Variants in ERCC3 observed in about 807,000 individuals in gnomAD.
The protein encoded by ERCC3 is ERCC excision repair 3, TFIIH core complex helicase subunit, also known as general transcription and DNA repair factor IIH helicase/translocase subunit XPB.
ERCC3 carries 66 observed loss-of-function variants against 94.2 expected under a neutral mutation model. That is an observed-to-expected ratio of 0.70 (90% confidence interval 0.57 to 0.86). ERCC3 has a LOEUF of 0.86. Among genes scored for constraint, ERCC3 ranks in the 40% least tolerant of loss-of-function variants. ERCC3 has a pLI of 0.00. For synonymous variants in ERCC3, 349 were observed against 369.1 expected (o/e 0.95, Z 0.63); for missense variants, 829 against 987.1 (o/e 0.84, Z 2.15).
chr2:127,276,181 T>C (rs1381235591), intron 10 of ERCC3, among the ~76,000 whole-genome samples: 1 of 152,036 alleles, frequency 6.6e-6, no homozygotes, highest in Non-Finnish European at 1.5e-5. Flanking sequence ...GACTGAAAAA[T>C]TCCTCACTGA....
chr2:127,266,951 G>A (rs1366247890), intron 12 of ERCC3, among the ~76,000 whole-genome samples: 1 of 152,130 alleles, frequency 6.6e-6, no homozygotes, highest in Non-Finnish European at 1.5e-5. Context: ...CCCGAGCTCA[G>A]GCAATCTGCC....
At chr2:127,290,358 C>T (rs1176187518) in intron 3 of ERCC3, 85 bp from the exon 4 acceptor site, 3 of 1,152,308 alleles carry the variant, frequency 2.6e-6, no homozygotes, top group Non-Finnish European at 3.9e-6. Flanking sequence ...CACCTACCAA[C>T]CAAGTGAAAA....
intron 12 of ERCC3, among the ~76,000 whole-genome samples, chr2:127,265,482 G>A (rs567761475): frequency 9.2e-5 from 14 of 152,158 alleles, no homozygotes; most frequent in African/African-American, 3.1e-4. Flanking sequence ...GCAGAGGTGC[G>A]ATCTCGGCTC....
At position 127,270,018 on chromosome 2, in the gene ERCC3, CTCAATCAA is replaced by C. The variant is rs5834172; in HGVS notation, c.1945+1310_1945+1317del. On this transcript the variant is annotated intron_variant, in intron 12 of 14. Transcript: ENST00000285398. ...CCTGGGTGACAGAATAAGACTCTAT[CTCAATCAA>C]TCAATCAATCAATCAATCAATAAAG... is the stretch of plus-strand genomic sequence containing the variant. Among the ~76,000 whole-genome samples, 358 of 150,494 alleles carry C rather than the reference CTCAATCAA, an allele frequency of 2.4e-3. 1 individual carries two copies. Among genetic ancestry groups the C allele is most frequent in the African/African-American group, 7.9e-3 (323 of 41,118 alleles).
In ERCC3 at chr2:127,272,973, T is replaced by G; in HGVS notation, c.1731-12A>C. The G allele has an allele frequency of 6.5e-7, 1 of 1,534,168 alleles. No individual in the cohort carries two copies. The highest frequency in any genetic ancestry group is 9.0e-7 in the Non-Finnish European group (1 of 1,107,206). On this transcript the variant is annotated splice_polypyrimidine_tract_variant and intron_variant, in intron 10 of 14. Coordinates refer to ENST00000285398, the MANE Select transcript of ERCC3 (RefSeq NM_000122.2). Reference sequence around the variant, plus strand: ...CGTAGATATAGGGTCTAGAGAAGAATGAAGCTGTGTTAGACCACAGAATAA... The same window carrying G: ...CGTAGATATAGGGTCTAGAGAAGAAGGAAGCTGTGTTAGACCACAGAATAA...
chr2:127,293,802 G>A (rs191864323), intron 1 of ERCC3, 84 bp from the exon 2 acceptor site: 4 of 1,600,322 alleles, frequency 2.5e-6, no homozygotes, highest in African/African-American at 2.7e-5. Flanking sequence ...CACCTGCGCC[G>A]CCGCAAACTC....
Position 127,275,595 on chromosome 2 carries a change from G to C in ERCC3, c.1731-2634C>G, listed in dbSNP as rs1483252628. ...TCAGGAGTGCTGCAAATGTAGGTGG[G>C]GGAGGCCCCTGGAGTGAGGCTCCAG... On this transcript the variant is annotated intron_variant, in intron 10 of 14. Coordinates refer to ENST00000285398, the MANE Select transcript of ERCC3 (RefSeq NM_000122.2). Among the ~76,000 whole-genome samples the C allele has an allele frequency of 3.3e-5, 5 of 152,180 alleles. No individual in the cohort carries two copies. In the East Asian group the frequency reaches 7.7e-4, roughly 24 times the overall value.
At chr2:127,292,579 G>T (rs1466193533) in intron 3 of ERCC3, 31 bp downstream of exon 3, 1 of 1,361,950 alleles carries the variant, frequency 7.3e-7, no homozygotes, top group South Asian at 1.2e-5. Context: ...TAGCAGGGCA[G>T]GTGGAATTGC....
chr2:127,290,063 G>T, intron 4 of ERCC3, 161 bp downstream of exon 4: 1 of 783,152 alleles, frequency 1.3e-6, no homozygotes, highest in Non-Finnish European at 2.2e-6. Flanking sequence ...GTGGCCAGTG[G>T]ATGAGTTTCC....
chr2:127,283,368 T>C (rs533227867), intron 8 of ERCC3, among the ~76,000 whole-genome samples: 52 of 152,186 alleles, frequency 3.4e-4, no homozygotes, highest in Admixed American at 9.8e-4. Context: ...GCTGACTTCT[T>C]TCACTCAGCA....
In ERCC3 at chr2:127,271,721, A is replaced by G. The variant is rs903243974; in HGVS notation, c.1828-268T>C. On this transcript the variant is annotated intron_variant, in intron 11 of 14. Transcript: ENST00000285398. The surrounding 1 kb of genome is among the most constrained non-coding windows in gnomAD (Gnocchi z 5.0). ...TCAGTGACATTCAGTGCTGGGTGCC[A>G]GGAGCCCAGAGATGAGAGGGCCCTT... 6.6e-6 allele frequency among the ~76,000 whole-genome samples: 1 copy of G among 152,140 alleles called. No homozygotes were observed. Among genetic ancestry groups the G allele is most frequent in the Non-Finnish European group, 1.5e-5 (1 of 68,034 alleles).
intron 12 of ERCC3, among the ~76,000 whole-genome samples, chr2:127,267,491 G>T (rs896576698): frequency 6.6e-6 from 1 of 150,482 alleles, no homozygotes; most frequent in Admixed American, 6.6e-5. Flanking sequence ...GAACCTATGA[G>T]TCCTGTTACA....
intron 10 of ERCC3, among the ~76,000 whole-genome samples, chr2:127,278,148 G>A (rs905950219): frequency 1.3e-4 from 19 of 151,796 alleles, no homozygotes; most frequent in Non-Finnish European, 2.8e-4. Context: ...TGAGGTGGAA[G>A]GATTGATTGA....
intron 4 of ERCC3, 53 bp from the exon 5 acceptor site, chr2:127,289,877 G>T: frequency 6.3e-7 from 1 of 1,585,558 alleles, no homozygotes; most frequent in Non-Finnish European, 8.7e-7. Context: ...ACCTCCTGGA[G>T]ATTCCACTGC....
intron 10 of ERCC3, among the ~76,000 whole-genome samples, chr2:127,275,051 C>T (rs1347521827): frequency 1.3e-5 from 2 of 152,138 alleles, no homozygotes; most frequent in Non-Finnish European, 2.9e-5. Flanking sequence ...TGCCCACAGC[C>T]CCACACTGCC....
intron 12 of ERCC3, among the ~76,000 whole-genome samples, chr2:127,268,184 C>T (rs1218452533): frequency 6.6e-6 from 1 of 152,072 alleles, no homozygotes; most frequent in African/African-American, 2.4e-5. Flanking sequence ...GAACTCCTGA[C>T]CTCAGGTGAT....
Position 127,291,319 on chromosome 2 carries a change from G to A in ERCC3, c.472-1046C>T, listed in dbSNP as rs1278477590. Among the ~76,000 whole-genome samples the A allele has an allele frequency of 6.6e-6, 1 of 152,012 alleles. No individual in the cohort carries two copies. The highest frequency in any genetic ancestry group is 1.5e-5 in the Non-Finnish European group (1 of 68,010). On this transcript the variant is annotated intron_variant, in intron 3 of 14. Transcript: ENST00000285398. This position sits in a 1 kb window ranked among gnomAD's most constrained non-coding sequence, Gnocchi z 4.9. The stretch of plus-strand genomic sequence containing the variant: ...TGCCCAGGCTGGAGTGCAATGAATG[G>A]TGAGATCTCAGCTCACTTCAACCTC...
intron 12 of ERCC3, among the ~76,000 whole-genome samples, chr2:127,265,238 A>G (rs1684319000): frequency 1.3e-5 from 2 of 152,094 alleles, no homozygotes; most frequent in Non-Finnish European, 2.9e-5. Context: ...GGGAAGTTGT[A>G]TGTTTCCAGG....
rs1174016044 is a variant in ERCC3, at chr2:127,279,516, G to T, written c.1528-141C>A. 2 of 728,254 alleles carry T rather than the reference G, an allele frequency of 2.7e-6. No individual in the cohort carries two copies. Among genetic ancestry groups the T allele is most frequent in the Non-Finnish European group, 4.9e-6 (2 of 408,090 alleles). The allele number at this position is 728,254 out of a possible 1,614,324, so 45.1% of individuals were successfully genotyped here. ...GTGGCTCATGCCTGTAATGCCAGCA[G>T]TTTGGGAGGCTGAGGCAGGCAGATC... On this transcript the variant is annotated intron_variant, in intron 9 of 14. Coordinates refer to ENST00000285398, the MANE Select transcript of ERCC3 (RefSeq NM_000122.2). The surrounding 1 kb of genome is among the most constrained non-coding windows in gnomAD (Gnocchi z 4.7).
Sources: gnomAD v4.1 joint callset for allele counts (sites outside exome capture counted in the v4.1 genomes callset) on GRCh38, gnomAD v4.1.1 for gene constraint, Gnocchi (gnomAD v3.1) non-coding constraint, MANE v1.5 for transcripts, NCBI Gene and HGNC (gene_info 2026-07-23, HGNC 2026-07-21) for gene names.